The following BAZ2B variants were observed in gnomAD, a reference collection of about 807,000 sequenced individuals.
BAZ2B encodes the protein bromodomain adjacent to zinc finger domain protein 2B.
In BAZ2B, 91 loss-of-function variants were observed where a neutral mutation model predicts 246.0. The observed-to-expected ratio is 0.37, with a 90% CI of 0.31 to 0.44. BAZ2B has a LOEUF of 0.44. Ranked by LOEUF, BAZ2B falls within the 20% of genes least tolerant of loss-of-function variation. The probability of loss-of-function intolerance (pLI) is 1.00; values close to 1 mark genes in which losing one functional copy is unlikely to be tolerated. For synonymous variants in BAZ2B, 855 were observed against 860.0 expected, an observed-to-expected ratio of 0.99 and a Z score of 0.10; for missense variants, 2,332 against 2,533.7, an observed-to-expected ratio of 0.92 and a Z score of 1.71.
chr2:159,631,893 T>C, the BAZ2B span, among the ~76,000 whole-genome samples: 3 of 151,942 alleles, frequency 2.0e-5, no homozygotes, highest in African/African-American at 7.3e-5. Flanking sequence ...TATGTGTATA[T>C]ATATATATGT....
At chr2:159,457,825 C>T (rs1199537396) in intron 3 of BAZ2B, among the ~76,000 whole-genome samples, 3 of 152,146 alleles carry the variant, frequency 2.0e-5, no homozygotes, top group African/African-American at 4.8e-5. Flanking sequence ...TTAAAGGAAA[C>T]GTCCTATACC....
At chr2:159,376,821 T>G (rs1165709585) in intron 25 of BAZ2B, among the ~76,000 whole-genome samples, 1 of 152,064 alleles carries the variant, frequency 6.6e-6, no homozygotes, top group Non-Finnish European at 1.5e-5. Context: ...TTAAAGGAGT[T>G]TTGGCTAATA....
intron 2 of BAZ2B, among the ~76,000 whole-genome samples, chr2:159,490,415 C>G (rs1472149287): frequency 6.6e-6 from 1 of 152,110 alleles, no homozygotes; most frequent in African/African-American, 2.4e-5. Flanking sequence ...TAACCTAAAC[C>G]AAATCTTAGT....
At chr2:159,322,370 C>T (rs972934250) in intron 36 of BAZ2B, among the ~76,000 whole-genome samples, 3 of 152,128 alleles carry the variant, frequency 2.0e-5, no homozygotes, top group Admixed American at 6.6e-5. Flanking sequence ...CTGTCATCAC[C>T]CTGAAAGGAA....
At position 159,439,192 on chromosome 2, in the gene BAZ2B, C is replaced by T. The variant is rs2072937830; in HGVS notation, c.717G>A (p.Met239Ile). The change falls in exon 7 of 37, where the codon ATG (methionine) becomes ATA (isoleucine). Residue 239 changes from methionine to isoleucine, a missense_variant. By Grantham distance (10) the Met-to-Ile change is conservative (BLOSUM62 1). Coordinates refer to ENST00000392783, the MANE Select transcript of BAZ2B (RefSeq NM_013450.4). ...IKDKKPRKKAMESSSNSDSDS... is the reference protein window; with the variant it reads ...IKDKKPRKKAIESSSNSDSDS... The stretch of plus-strand genomic sequence containing the variant: ...CACTATCACTGTTGCTAGAACTTTC[C>T]ATTGCTTTCTTCCTTGGTTTCTGGA... 1 of 1,613,100 alleles carries T rather than the reference C, an allele frequency of 6.2e-7. No individual in the cohort carries two copies. Among genetic ancestry groups the T allele is most frequent in the African/African-American group, 1.3e-5 (1 of 74,888 alleles).
rs1302664223 is a variant in BAZ2B, at chr2:159,332,658, T to A, written c.5825A>T (p.Asn1942Ile). The change falls in exon 34 of 37, where the codon AAT becomes ATT. Residue 1942 changes from asparagine to isoleucine, a missense_variant. By Grantham distance (149) the Asn-to-Ile change is moderately radical. Around this residue, in one of 9 missense-constraint regions of BAZ2B, gnomAD observed 53 missense variants for 62.0 expected, o/e 0.86. Coordinates refer to ENST00000392783, the MANE Select transcript of BAZ2B (RefSeq NM_013450.4). ...ATCACAAAGAAGAAGCAGTTCTTCA[T>A]TATCTCCCTTTCGACAGATTTGGCA... The part of the protein sequence containing the change: ...VYCQICRKGD[N>I]EELLLLCDGC... The A allele has an allele frequency of 1.2e-6, 2 of 1,614,058 alleles. No individual in the cohort carries two copies. Among genetic ancestry groups the A allele is most frequent in the Admixed American group, 3.3e-5 (2 of 60,006 alleles).
Position 159,382,821 on chromosome 2 carries a change from G to T in BAZ2B, c.3762-19C>A, listed in dbSNP as rs1466044092. 6.2e-7 allele frequency: 1 copy of T among 1,602,576 alleles called. No individual in the cohort carries two copies. The highest frequency in any genetic ancestry group is 1.1e-5 in the South Asian group (1 of 89,208). ...TCTGAGCCTTTAAATATTATGAAAAGTGATGACAAGGAAAAAAAGACTTCT... is the reference window on the plus strand; with the variant it reads ...TCTGAGCCTTTAAATATTATGAAAATTGATGACAAGGAAAAAAAGACTTCT... On this transcript the variant is annotated intron_variant, in intron 24 of 36. Transcript: ENST00000392783.
In BAZ2B at chr2:159,347,204, A is replaced by G. The variant is rs1466809434; in HGVS notation, c.5454+282T>C. On this transcript the variant is annotated intron_variant, in intron 31 of 36. Coordinates refer to ENST00000392783, the MANE Select transcript of BAZ2B (RefSeq NM_013450.4). ...TGCGCATCGGAAATAATACCTCTGA[A>G]TACCATTAAGGAGGTAGCAAGATTA... 4.6e-5 allele frequency among the ~76,000 whole-genome samples: 7 copies of G among 152,174 alleles called. No individual in the cohort carries two copies. The East Asian group carries it at 1.3e-3, about 29-fold the overall frequency.
chr2:159,486,244 A>G (rs1196452688), intron 2 of BAZ2B, among the ~76,000 whole-genome samples: 1 of 152,048 alleles, frequency 6.6e-6, no homozygotes, highest in Non-Finnish European at 1.5e-5. Flanking sequence ...GGGGCTCCAA[A>G]GAACAAGCAA....
intron 2 of BAZ2B, among the ~76,000 whole-genome samples, chr2:159,502,072 G>A (rs1427800199): frequency 1.3e-5 from 2 of 152,252 alleles, no homozygotes; most frequent in East Asian, 3.9e-4. Flanking sequence ...AGTCACAAAT[G>A]ACCATGGGTT....
intron 23 of BAZ2B, 67 bp from the exon 24 acceptor site, chr2:159,383,747 G>T: frequency 2.2e-6 from 3 of 1,339,970 alleles, no homozygotes; most frequent in Non-Finnish European, 2.1e-6. Context: ...AATTTGATAT[G>T]CAATAAACTT....
At chr2:159,656,015 A>C in the BAZ2B span, among the ~76,000 whole-genome samples, 1 of 152,032 alleles carries the variant, frequency 6.6e-6, no homozygotes, top group Non-Finnish European at 1.5e-5. Flanking sequence ...TCATCTTTGC[A>C]TATCTAGTAG....
At chr2:159,602,641 G>A (rs1298630943) in intron 1 of BAZ2B, among the ~76,000 whole-genome samples, 1 of 152,122 alleles carries the variant, frequency 6.6e-6, no homozygotes, top group Non-Finnish European at 1.5e-5. Flanking sequence ...GGCCATGGTG[G>A]CAGTTTTTAC....
chr2:159,581,921 G>A (rs1223598567), intron 1 of BAZ2B, among the ~76,000 whole-genome samples: 2 of 111,238 alleles, frequency 1.8e-5, no homozygotes, highest in African/African-American at 3.5e-5. Context: ...AGGGCCTGTC[G>A]GGTGGGGGGA....
chr2:159,385,019 T>C lies in BAZ2B; in HGVS notation c.3686+136A>G, dbSNP rs1194227004. ...ATTATTAGTGGCCATCTCTAAATACTGAGATAAGTACAATTTTAATTTTCT... is the reference window on the plus strand; with the variant it reads ...ATTATTAGTGGCCATCTCTAAATACCGAGATAAGTACAATTTTAATTTTCT... On this transcript the variant is annotated intron_variant, in intron 23 of 36. Transcript: ENST00000392783. 18 of 900,192 alleles carry C rather than the reference T, an allele frequency of 2.0e-5. No homozygotes were observed. The South Asian group carries it at 2.2e-4, about 11-fold the overall frequency. 55.8% of individuals were successfully genotyped at this position (900,192 alleles called of 1,614,324 possible).
chr2:159,704,063 G>A, the BAZ2B span, among the ~76,000 whole-genome samples: 2 of 152,062 alleles, frequency 1.3e-5, no homozygotes, highest in South Asian at 4.2e-4. Flanking sequence ...AAATATGAAG[G>A]ATTTCTTCTA....
chr2:159,545,812 C>T (rs751032579), intron 2 of BAZ2B, among the ~76,000 whole-genome samples: 5 of 152,140 alleles, frequency 3.3e-5, no homozygotes, highest in Admixed American at 2.6e-4. Context: ...TGAAACTTAA[C>T]CTATGTATAA....
intron 20 of BAZ2B, among the ~76,000 whole-genome samples, chr2:159,395,060 C>A (rs1352618291): frequency 1.3e-5 from 2 of 152,006 alleles, no homozygotes; most frequent in Non-Finnish European, 2.9e-5. Context: ...TTATCTCACT[C>A]AAAAATCCCA....
intron 25 of BAZ2B, among the ~76,000 whole-genome samples, chr2:159,380,160 C>A (rs1261235817): frequency 1.3e-5 from 2 of 151,068 alleles, no homozygotes; most frequent in African/African-American, 4.9e-5. Flanking sequence ...TCTTAAATCC[C>A]CTTCTCTCAT....
Sources: gnomAD v4.1 joint callset for allele counts (sites outside exome capture counted in the v4.1 genomes callset) on GRCh38, gnomAD v4.1.1 for gene constraint, gnomAD v4.1.1 regional missense constraint, MANE v1.5 for transcripts, NCBI Gene and HGNC (gene_info 2026-07-23, HGNC 2026-07-21) for gene names.